GRID2: variants seen among roughly 807,000 people sequenced by gnomAD.
GRID2 encodes the protein glutamate ionotropic receptor delta type subunit 2, also known as glutamate receptor ionotropic, delta-2.
A neutral mutation model predicts 114.8 loss-of-function variants in GRID2; 33 were observed. That is an observed-to-expected ratio of 0.29 (90% CI 0.22 to 0.38). GRID2 has a LOEUF of 0.38. Ranked by LOEUF, GRID2 falls within the 10% of genes least tolerant of loss-of-function variation. The probability of loss-of-function intolerance (pLI) is 1.00; values close to 1 mark genes in which losing one functional copy is unlikely to be tolerated. For synonymous variants in GRID2, 505 were observed against 449.9 expected (o/e 1.12, Z -1.55); for missense variants, 1,184 against 1,257.7 (o/e 0.94, Z 0.89).
chr4:93,777,813 T>C (rs1298826044), downstream of GRID2, among the ~76,000 whole-genome samples: 2 of 152,210 alleles, frequency 1.3e-5, no homozygotes, highest in South Asian at 4.1e-4. Flanking sequence ...AATAAATATT[T>C]TGCCAGCTAC....
chr4:93,774,568 A>G (rs1734314819), downstream of GRID2: 1 of 152,140 alleles, frequency 6.6e-6, no homozygotes, highest in South Asian at 2.1e-4. Context: ...TTGCTCTCAT[A>G]CTATTGAAGT....
chr4:93,118,055 C>T (rs999859424), intron 4 of GRID2, among the ~76,000 whole-genome samples: 2 of 152,166 alleles, frequency 1.3e-5, no homozygotes, highest in East Asian at 3.9e-4. Context: ...TTTTATTTGG[C>T]CTTTTCAACT....
chr4:93,434,530 A>T (rs573218196), intron 10 of GRID2, among the ~76,000 whole-genome samples: 2 of 152,274 alleles, frequency 1.3e-5, no homozygotes, highest in African/African-American at 2.4e-5. Flanking sequence ...TTGTCTTTTC[A>T]GCCACAGCAG....
chr4:93,758,629 T>C (rs1578750684), intron 14 of GRID2, among the ~76,000 whole-genome samples: 1 of 152,214 alleles, frequency 6.6e-6, no homozygotes, highest in Admixed American at 6.5e-5. Context: ...TATCACAATC[T>C]TTATCCATTT....
chr4:93,408,235 C>G (rs760019874), intron 9 of GRID2, among the ~76,000 whole-genome samples: 1 of 152,162 alleles, frequency 6.6e-6, no homozygotes, highest in Non-Finnish European at 1.5e-5. Flanking sequence ...TTTGTTTTAT[C>G]AGTCTCAGGG....
At chr4:93,514,681 T>TA (rs2149490244) in intron 12 of GRID2, among the ~76,000 whole-genome samples, 1 of 152,284 alleles carries the variant, frequency 6.6e-6, no homozygotes, top group South Asian at 2.1e-4. Flanking sequence ...TCTGTGAGGA[T>TA]AATGTATATC....
intron 12 of GRID2, 108 bp from the exon 13 acceptor site, chr4:93,515,108 G>A (rs765921492): frequency 1.1e-4 from 53 of 461,300 alleles, no homozygotes; most frequent in Middle Eastern, 3.2e-4. Flanking sequence ...AAAGCAATTT[G>A]ATATATGTTT....
chr4:93,137,383 A>T (rs548270979), intron 4 of GRID2, among the ~76,000 whole-genome samples: 1 of 152,174 alleles, frequency 6.6e-6, no homozygotes, highest in African/African-American at 2.4e-5. Context: ...TTTGCATTTT[A>T]TATTAAGCAA....
At chr4:92,366,263 C>G (rs1728862465) in intron 1 of GRID2, among the ~76,000 whole-genome samples, 1 of 151,976 alleles carries the variant, frequency 6.6e-6, no homozygotes, top group Admixed American at 6.6e-5. Context: ...CTTAGTTTCC[C>G]ATATTACATT....
rs144516170 is a variant in GRID2, at chr4:92,349,963, T to C, written c.88+45219T>C. The stretch of plus-strand genomic sequence containing the variant: ...AATCACAAATTTCTCTCTGAAAAAG[T>C]AGCATTCTCCCTCTTTTTTATGGTT... On this transcript the variant is annotated intron_variant, in intron 1 of 15. Coordinates refer to ENST00000282020, the MANE Select transcript of GRID2 (RefSeq NM_001510.4). 3.9e-3 allele frequency among the ~76,000 whole-genome samples: 599 copies of C among 152,040 alleles called. 3 individuals are homozygous for C. Among genetic ancestry groups the C allele is most frequent in the African/African-American group, 0.012 (516 of 41,548 alleles).
intron 13 of GRID2, among the ~76,000 whole-genome samples, chr4:93,622,327 C>G (rs550627337): frequency 6.6e-6 from 1 of 152,102 alleles, no homozygotes; most frequent in African/African-American, 2.4e-5. Flanking sequence ...TCAAGCCCCA[C>G]GTATATAAAA....
intron 14 of GRID2, among the ~76,000 whole-genome samples, chr4:93,654,242 G>C (rs943010772): frequency 1.3e-5 from 2 of 152,058 alleles, no homozygotes; most frequent in African/African-American, 2.4e-5. Context: ...ACTTCATTTT[G>C]CTTCCAATAG....
chr4:92,938,051 G>A (rs767018123), intron 2 of GRID2, among the ~76,000 whole-genome samples: 5 of 146,770 alleles, frequency 3.4e-5, no homozygotes, highest in Non-Finnish European at 6.0e-5. Context: ...TTTTTAAGAT[G>A]AAATAATGTT....
Position 92,806,911 on chromosome 4 carries a change from G to A in GRID2, c.244+216625G>A, listed in dbSNP as rs148507454. Among the ~76,000 whole-genome samples, 202 of 151,970 alleles carry A rather than the reference G, an allele frequency of 1.3e-3. 1 individual carries two copies. Among genetic ancestry groups the A allele is most frequent in the African/African-American group, 4.3e-3 (179 of 41,528 alleles). ...AAGTCATTTCAGAGACCAAAAAAAA[G>A]CAAAAGTCCGGGGATGAAAGCAGCT... On this transcript the variant is annotated intron_variant, in intron 2 of 15. Coordinates refer to ENST00000282020, the MANE Select transcript of GRID2 (RefSeq NM_001510.4).
intron 1 of GRID2, among the ~76,000 whole-genome samples, chr4:92,315,728 C>T (rs1023480489): frequency 5.3e-5 from 8 of 152,006 alleles, no homozygotes; most frequent in South Asian, 2.1e-4. Flanking sequence ...CCCAACACTT[C>T]GGGAGGCTGA....
rs559844581 is a variant in GRID2 at position 93,531,418 on chromosome 4, A to G, written c.2193+16007A>G. ...TTCTTAAAATATTGCATAGAGTATT[A>G]TTTATTTGATTACTGAGTTTGGTGC... is the stretch of plus-strand genomic sequence containing the variant. On this transcript the variant is annotated intron_variant, in intron 13 of 15. Coordinates refer to ENST00000282020, the MANE Select transcript of GRID2 (RefSeq NM_001510.4). Among the ~76,000 whole-genome samples the G allele has an allele frequency of 3.3e-5, 5 of 152,178 alleles. No individual in the cohort carries two copies. In the South Asian group the frequency reaches 1.0e-3, roughly 32 times the overall value.
At chr4:92,543,893 A>G (rs527900300) in intron 1 of GRID2, among the ~76,000 whole-genome samples, 39 of 152,306 alleles carry the variant, frequency 2.6e-4, no homozygotes, top group African/African-American at 9.4e-4. Flanking sequence ...TTTGTTTAAC[A>G]TAGTGCTTAC....
intron 8 of GRID2, among the ~76,000 whole-genome samples, chr4:93,311,622 G>C (rs1217799840): frequency 6.6e-6 from 1 of 152,174 alleles, no homozygotes; most frequent in Non-Finnish European, 1.5e-5. Context: ...AAAAGAAATA[G>C]ATTAGCACAG....
intron 2 of GRID2, among the ~76,000 whole-genome samples, chr4:92,760,197 C>T (rs1737924921): frequency 7.3e-6 from 1 of 137,284 alleles, no homozygotes; most frequent in Admixed American, 7.9e-5. Context: ...AAGATTGGGC[C>T]ACTGCACTCC....
Sources: gnomAD v4.1 joint callset for allele counts (sites outside exome capture counted in the v4.1 genomes callset) on GRCh38, gnomAD v4.1.1 for gene constraint, MANE v1.5 for transcripts, NCBI Gene and HGNC (gene_info 2026-07-23, HGNC 2026-07-21) for gene names.